The following ATG4C variants were observed in gnomAD, a reference collection of about 807,000 sequenced individuals.
The protein encoded by ATG4C is autophagy related 4C cysteine peptidase.
In ATG4C, 56 loss-of-function variants were observed where a neutral mutation model predicts 57.6. That is an observed-to-expected ratio of 0.97 (90% CI 0.78 to 1.21). The LOEUF (loss-of-function observed/expected upper bound fraction) is 1.21. Among genes scored for constraint, ATG4C ranks in the 50% most tolerant of loss-of-function variants. ATG4C has a pLI of 0.00. For missense variants in ATG4C, 595 were observed against 529.8 expected, an observed-to-expected ratio of 1.12 and a Z score of -1.21; for synonymous variants, 157 against 174.1, an observed-to-expected ratio of 0.90 and a Z score of 0.78.
At chr1:62,810,127 TAATA>T (rs1665028768) in intron 3 of ATG4C, among the ~76,000 whole-genome samples, 1 of 152,198 alleles carries the variant, frequency 6.6e-6, no homozygotes, top group Non-Finnish European at 1.5e-5. Flanking sequence ...ATTGTAGCTT[TAATA>T]AAAAGTTGGA....
intron 8 of ATG4C, 116 bp downstream of exon 8, chr1:62,834,232 T>C (rs1665928613): frequency 1.2e-6 from 1 of 825,304 alleles, no homozygotes; most frequent in Non-Finnish European, 1.9e-6. Flanking sequence ...CCTTATACAT[T>C]CATCAGTCCT....
chr1:62,795,654 C>T (rs1024921146), intron 1 of ATG4C, among the ~76,000 whole-genome samples: 10 of 152,006 alleles, frequency 6.6e-5, no homozygotes, highest in Non-Finnish European at 1.2e-4. Context: ...AGAACATCTG[C>T]TTGAAAAAAG....
chr1:62,864,012 G>A lies in ATG4C; in HGVS notation c.1230G>A (p.Lys410=), dbSNP rs746433186. Residue 410 remains lysine, a synonymous_variant, in exon 11 of 11, where the codon AAG becomes AAA. Coordinates refer to ENST00000317868, the MANE Select transcript of ATG4C (RefSeq NM_032852.4). The stretch of plus-strand genomic sequence containing the variant: ...TACAGATGCTGAAATTTTCTTCTAA[G>A]GAGAAATATCCCTTATTTACTTTTG... ...EITKMLKFSS[K]EKYPLFTFVN... The A allele has an allele frequency of 9.5e-6, 15 of 1,574,710 alleles. No individual in the cohort carries two copies. Among genetic ancestry groups the A allele is most frequent in the Non-Finnish European group, 1.7e-6 (2 of 1,165,736 alleles).
chr1:62,816,503 C>T (rs1665275039), intron 3 of ATG4C, 72 bp from the exon 4 acceptor site: 3 of 1,018,816 alleles, frequency 2.9e-6, no homozygotes, highest in Non-Finnish European at 4.2e-6. Context: ...CATCTTAAGA[C>T]AGTAATGATA....
chr1:62,802,681 C>T (rs1400721959), intron 1 of ATG4C, among the ~76,000 whole-genome samples: 1 of 152,106 alleles, frequency 6.6e-6, no homozygotes, highest in Non-Finnish European at 1.5e-5. Context: ...AATTTTTAAC[C>T]TGGTCTACAA....
chr1:62,845,716 T>G (rs962621221), intron 10 of ATG4C, among the ~76,000 whole-genome samples: 4 of 152,120 alleles, frequency 2.6e-5, no homozygotes, highest in African/African-American at 9.7e-5. Flanking sequence ...TTATTTATTT[T>G]TTTGAGATGG....
chr1:62,839,941 A>G (rs573604819), intron 9 of ATG4C, among the ~76,000 whole-genome samples: 3 of 152,256 alleles, frequency 2.0e-5, no homozygotes, highest in East Asian at 3.9e-4. Context: ...TATATTTTGC[A>G]TATCTTTTGG....
intron 10 of ATG4C, among the ~76,000 whole-genome samples, chr1:62,856,604 G>A (rs1455726416): frequency 6.6e-6 from 1 of 152,190 alleles, no homozygotes; most frequent in Non-Finnish European, 1.5e-5. Context: ...ATAAGTATCA[G>A]CCAAGTTTTG....
At chr1:62,790,614 C>G (rs915626429) in intron 1 of ATG4C, among the ~76,000 whole-genome samples, 2 of 152,082 alleles carry the variant, frequency 1.3e-5, no homozygotes, top group East Asian at 3.8e-4. Flanking sequence ...TTAATATACT[C>G]TTTGTAAAAT....
chr1:62,812,827 A>G (rs1475865460), intron 3 of ATG4C, among the ~76,000 whole-genome samples: 1 of 152,204 alleles, frequency 6.6e-6, no homozygotes, highest in Non-Finnish European at 1.5e-5. Flanking sequence ...TATACCAGTG[A>G]TAGACAAACA....
chr1:62,805,268 T>C lies in ATG4C; in HGVS notation c.160+13T>C. The C allele has an allele frequency of 6.7e-7, 1 of 1,492,380 alleles. No homozygotes were observed. Among genetic ancestry groups the C allele is most frequent in the Non-Finnish European group, 8.8e-7 (1 of 1,130,190 alleles). 92.4% of individuals were successfully genotyped at this position (1,492,380 alleles called of 1,614,324 possible). A position where few individuals can be genotyped will look rare whatever the true frequency, so the allele number is the denominator to read the frequency against. On this transcript the variant is annotated intron_variant, in intron 3 of 10. Transcript: ENST00000317868. ...TTTAAATATGAAGGTAAGTACAAAATTTGTAAACCATTTAAAAATTTTTGT... is the reference window on the plus strand; with the variant it reads ...TTTAAATATGAAGGTAAGTACAAAACTTGTAAACCATTTAAAAATTTTTGT...
intron 2 of ATG4C, 110 bp downstream of exon 2, chr1:62,803,972 A>G (rs1664769992): frequency 1.7e-6 from 1 of 584,518 alleles, no homozygotes. Context: ...GGCATACTTT[A>G]CTTTGAATGA....
At chr1:62,839,635 G>C (rs373857268) in intron 9 of ATG4C, among the ~76,000 whole-genome samples, 28 of 152,102 alleles carry the variant, frequency 1.8e-4, no homozygotes, top group African/African-American at 5.8e-4. Context: ...TAACTAACCA[G>C]TTTGTTTAGC....
At chr1:62,808,696 A>G (rs1300424480) in intron 3 of ATG4C, among the ~76,000 whole-genome samples, 2 of 152,168 alleles carry the variant, frequency 1.3e-5, no homozygotes, top group African/African-American at 2.4e-5. Flanking sequence ...TAGAGCAGGA[A>G]ATAGCCTGAG....
intron 9 of ATG4C, chr1:62,835,338 A>G: frequency 3.2e-6 from 1 of 311,886 alleles, no homozygotes; most frequent in South Asian, 2.9e-5. Context: ...TGGGTTTCTA[A>G]TTTTTTTTGA....
intron 10 of ATG4C, among the ~76,000 whole-genome samples, chr1:62,849,843 T>G (rs548942829): frequency 6.6e-6 from 1 of 152,188 alleles, no homozygotes; most frequent in East Asian, 1.9e-4. Context: ...TGGTTCTTGG[T>G]GGTAGGGTTG....
intron 1 of ATG4C, among the ~76,000 whole-genome samples, chr1:62,786,747 G>C (rs886891768): frequency 2.0e-5 from 3 of 152,160 alleles, no homozygotes; most frequent in Non-Finnish European, 4.4e-5. Flanking sequence ...TTTACTAACA[G>C]AGGAGGCAGA....
chr1:62,803,561 A>C (rs1664754231), intron 1 of ATG4C, among the ~76,000 whole-genome samples, 158 bp from the exon 2 acceptor site: 1 of 151,460 alleles, frequency 6.6e-6, no homozygotes, highest in Non-Finnish European at 1.5e-5. Flanking sequence ...TTGTAAAATG[A>C]GAAATTGGTT....
chr1:62,864,075 T>C lies in ATG4C; in HGVS notation c.1293T>C (p.Thr431=), dbSNP rs1474050606. Residue 431 remains threonine, a synonymous_variant, in exon 11 of 11, where the codon ACT becomes ACC. Coordinates refer to ENST00000317868, the MANE Select transcript of ATG4C (RefSeq NM_032852.4). ...GHSRDYDFTS[T]TTNEEDLFSE... ...CCAGAGACTATGATTTTACATCTAC[T>C]ACAACCAATGAAGAAGACCTTTTTT... 1 of 1,605,756 alleles carries C rather than the reference T, an allele frequency of 6.2e-7. No individual in the cohort carries two copies. Among genetic ancestry groups the C allele is most frequent in the Non-Finnish European group, 8.5e-7 (1 of 1,175,978 alleles).
Sources: gnomAD v4.1 joint callset for allele counts (sites outside exome capture counted in the v4.1 genomes callset) on GRCh38, gnomAD v4.1.1 for gene constraint, MANE v1.5 for transcripts, NCBI Gene and HGNC (gene_info 2026-07-23, HGNC 2026-07-21) for gene names.